SGCD: variants seen among roughly 807,000 people sequenced by gnomAD.
The protein encoded by SGCD is delta-sarcoglycan.
Under a neutral mutation model 36.6 loss-of-function variants are expected in SGCD, and 18 were observed. The observed-to-expected ratio is 0.49, with a 90% confidence interval of 0.34 to 0.73. The LOEUF (loss-of-function observed/expected upper bound fraction) is 0.73, where lower values mean the gene tolerates loss of function less well. SGCD is among the 30% of genes least tolerant of loss of function. SGCD has a pLI of 0.01. For missense variants in SGCD, 387 were observed against 346.7 expected (o/e 1.12, Z -0.92); for synonymous variants, 133 against 130.6 (o/e 1.02, Z -0.12).
chr5:156,280,358 A>G lies in SGCD; in HGVS notation c.-43-49176A>G, dbSNP rs565388197. On this transcript the variant is annotated intron_variant, in intron 3 of 9. Coordinates refer to the SGCD transcript ENST00000517913. ...TTCAGAATAACACACATGCAAAACA[A>G]TGTACAATGAGAATGGAAACTTTTA... 1.1e-4 allele frequency among the ~76,000 whole-genome samples: 17 copies of G among 152,330 alleles called. No individual in the cohort carries two copies. In the South Asian group the frequency reaches 2.9e-3, roughly 26 times the overall value.
At position 156,179,094 on chromosome 5, in the gene SGCD, T is replaced by G. The variant is rs542655856; in HGVS notation, c.-44+55075T>G. 3.3e-5 allele frequency among the ~76,000 whole-genome samples: 5 copies of G among 152,342 alleles called. No individual in the cohort carries two copies. In the East Asian group the frequency reaches 9.6e-4, roughly 29 times the overall value. ...ACAATATTGTTTTCTGCTTTCATCA[T>G]TGCTTCCTTATGGTGCTATTTTTAA... On this transcript the variant is annotated intron_variant, in intron 3 of 9. Coordinates refer to the SGCD transcript ENST00000517913.
intron 3 of SGCD, among the ~76,000 whole-genome samples, chr5:156,452,735 G>A (rs992280431): frequency 5.3e-5 from 8 of 152,070 alleles, no homozygotes; most frequent in African/African-American, 1.4e-4. Context: ...AAGATTCCAC[G>A]GTGAATGATA....
chr5:155,730,352 G>A, the SGCD span, among the ~76,000 whole-genome samples: 7 of 151,956 alleles, frequency 4.6e-5, no homozygotes, highest in Non-Finnish European at 7.4e-5. Context: ...TCATTTGTAG[G>A]TTGGGGACAA....
intron 7 of SGCD, among the ~76,000 whole-genome samples, chr5:156,721,361 C>A (rs1230690408): frequency 6.6e-6 from 1 of 152,042 alleles, no homozygotes; most frequent in East Asian, 1.9e-4. Context: ...TAAAGAACTG[C>A]CAGTGAGATA....
intron 1 of SGCD, among the ~76,000 whole-genome samples, chr5:156,102,500 G>T (rs1036387338): frequency 6.6e-6 from 1 of 152,000 alleles, no homozygotes; most frequent in African/African-American, 2.4e-5. Flanking sequence ...AATGTCTGTC[G>T]TCCAAATGTC....
At chr5:156,616,200 C>T (rs1026508643) in intron 6 of SGCD, among the ~76,000 whole-genome samples, 1 of 152,150 alleles carries the variant, frequency 6.6e-6, no homozygotes, top group Non-Finnish European at 1.5e-5. Context: ...GGTTATCATC[C>T]TAATATAAAT....
At chr5:156,649,683 G>A (rs1763380306) in intron 7 of SGCD, among the ~76,000 whole-genome samples, 2 of 151,004 alleles carry the variant, frequency 1.3e-5, no homozygotes, top group Middle Eastern at 3.4e-3. Flanking sequence ...GACACAGGAA[G>A]GGGAACATCA....
intron 1 of SGCD, among the ~76,000 whole-genome samples, chr5:155,991,051 A>T (rs1215972850): frequency 6.6e-6 from 1 of 152,190 alleles, no homozygotes; most frequent in Non-Finnish European, 1.5e-5. Context: ...TGTTTGTAAC[A>T]CATTCCCAGG....
chr5:156,704,004 AG>A (rs1293054792), intron 7 of SGCD: 1 of 152,212 alleles, frequency 6.6e-6, no homozygotes, highest in Non-Finnish European at 1.5e-5. Flanking sequence ...TTGCAAGTGA[AG>A]GAACACTGAA....
chr5:156,258,373 A>G (rs1457135526), intron 3 of SGCD, among the ~76,000 whole-genome samples: 1 of 152,238 alleles, frequency 6.6e-6, no homozygotes, highest in Admixed American at 6.5e-5. Flanking sequence ...ACAAAATCAT[A>G]TATGGGGTAA....
chr5:156,677,523 A>G (rs903679503), intron 7 of SGCD, among the ~76,000 whole-genome samples: 1 of 151,884 alleles, frequency 6.6e-6, no homozygotes, highest in Non-Finnish European at 1.5e-5. Flanking sequence ...GGAACATCAC[A>G]TACCAGGGCC....
At chr5:156,571,369 T>G (rs2113289753) in intron 4 of SGCD, among the ~76,000 whole-genome samples, 1 of 152,010 alleles carries the variant, frequency 6.6e-6, no homozygotes, top group South Asian at 2.1e-4. Context: ...TTTTTAAACA[T>G]ATTTTTTTTG....
Position 156,329,547 on chromosome 5 carries a change from G to A in SGCD, c.-30G>A, listed in dbSNP as rs374043017. ...TGTTCCTTGCAGAGACATTACTGCC[G>A]GGAGTGTTGAGTGAAGGGACCAGGT... On this transcript the variant is annotated 5_prime_UTR_variant, in exon 2 of 9. Transcript: ENST00000337851. 205 of 1,612,250 alleles carry A rather than the reference G, an allele frequency of 1.3e-4. No individual in the cohort carries two copies. The highest frequency in any genetic ancestry group is 1.6e-4 in the Non-Finnish European group (183 of 1,178,556).
At chr5:155,828,589 C>T in the SGCD span, among the ~76,000 whole-genome samples, 12 of 152,166 alleles carry the variant, frequency 7.9e-5, no homozygotes, top group Admixed American at 5.2e-4. Flanking sequence ...GAAGAACAAC[C>T]CTTCTTCTTC....
At chr5:156,609,029 A>G (rs166808) in intron 6 of SGCD, among the ~76,000 whole-genome samples, 37,653 of 150,220 alleles carry the variant, frequency 0.25, 3,718 homozygotes, top group East Asian at 0.3. Flanking sequence ...TAATTGGAGC[A>G]TTTAGCCCAT....
chr5:155,965,319 A>G (rs926333502), intron 1 of SGCD, among the ~76,000 whole-genome samples: 2 of 152,126 alleles, frequency 1.3e-5, no homozygotes, highest in Non-Finnish European at 2.9e-5. Flanking sequence ...TTCAACCTAC[A>G]TCAGCAGTAT....
At chr5:156,721,052 A>T (rs1319371091) in intron 7 of SGCD, among the ~76,000 whole-genome samples, 2 of 152,212 alleles carry the variant, frequency 1.3e-5, no homozygotes, top group Non-Finnish European at 2.9e-5. Context: ...GATAGCCTCA[A>T]TGATTGTAGC....
chr5:156,760,504 G>T lies in SGCD; in HGVS notation c.*1114G>T, dbSNP rs1303839205. The T allele has an allele frequency of 1.3e-5, 2 of 152,372 alleles. No homozygotes were observed. Among genetic ancestry groups the T allele is most frequent in the Admixed American group, 6.5e-5 (1 of 15,276 alleles). 9.4% of individuals were successfully genotyped at this position (152,372 alleles called of 1,614,324 possible). A position where few individuals can be genotyped will look rare whatever the true frequency, so the allele number is the denominator to read the frequency against. ...TTCTTATATATTTTTTCAGTGCCGG[G>T]ATATTCATATTCCTAAAGCCACTAT... On this transcript the variant is annotated 3_prime_UTR_variant, in exon 9 of 9. Coordinates refer to ENST00000337851, the MANE Select transcript of SGCD (RefSeq NM_000337.6).
At chr5:156,699,656 A>G (rs1252472235) in intron 7 of SGCD, among the ~76,000 whole-genome samples, 2 of 152,224 alleles carry the variant, frequency 1.3e-5, no homozygotes, top group Admixed American at 6.5e-5. Flanking sequence ...TAAGAAGACC[A>G]TGCATGACTT....
Sources: allele counts gnomAD v4.1 joint callset (sites outside exome capture counted in the v4.1 genomes callset), GRCh38; gene constraint gnomAD v4.1.1; transcripts MANE v1.5; gene names NCBI Gene and HGNC (gene_info 2026-07-23, HGNC 2026-07-21).